Variants in WDR35 observed in about 807,000 individuals in gnomAD.
WDR35 encodes WD repeat-containing protein 35.
In WDR35, 118 loss-of-function variants were observed where a neutral mutation model predicts 158.3. That is an observed-to-expected ratio of 0.75 (90% CI 0.64 to 0.87). The LOEUF (loss-of-function observed/expected upper bound fraction) is 0.87, where lower values mean the gene tolerates loss of function less well. WDR35 is among the 40% of genes least tolerant of loss of function. WDR35 has a pLI of 0.00. For missense variants in WDR35, 1,263 were observed against 1,405.8 expected (o/e 0.90, Z 1.62); for synonymous variants, 448 against 476.1 (o/e 0.94, Z 0.77).
chr2:19,947,704 A>C (rs1252020605), intron 14 of WDR35, among the ~76,000 whole-genome samples: 2 of 152,066 alleles, frequency 1.3e-5, no homozygotes, highest in African/African-American at 2.4e-5. Flanking sequence ...ACAAAGGAGG[A>C]AACTTTCTAA....
At chr2:19,928,387 C>T (rs1034766635) in intron 25 of WDR35, among the ~76,000 whole-genome samples, 1 of 152,180 alleles carries the variant, frequency 6.6e-6, no homozygotes, top group Non-Finnish European at 1.5e-5. Flanking sequence ...CTGTTCGGGG[C>T]TCTCAGCTCT....
At position 19,923,466 on chromosome 2, in the gene WDR35, T is replaced by C. The variant is rs186284422; in HGVS notation, c.3121+6930A>G. On this transcript the variant is annotated intron_variant, in intron 25 of 26. Coordinates refer to ENST00000281405, the MANE Select transcript of WDR35 (RefSeq NM_020779.4). ...CCTTGGAACTTTTTCACACTGATGATGAGGAGGAAGGAGAGTATAACGAAG... is the reference window on the plus strand; with the variant it reads ...CCTTGGAACTTTTTCACACTGATGACGAGGAGGAAGGAGAGTATAACGAAG... Among the ~76,000 whole-genome samples the C allele has an allele frequency of 4.6e-5, 7 of 152,294 alleles. No homozygotes were observed. In the East Asian group the frequency reaches 1.4e-3, roughly 29 times the overall value.
At chr2:19,964,197 C>A (rs1671759602) in intron 10 of WDR35, among the ~76,000 whole-genome samples, 1 of 152,040 alleles carries the variant, frequency 6.6e-6, no homozygotes, top group Non-Finnish European at 1.5e-5. Flanking sequence ...GTTTTCTCCC[C>A]AATGTTCTGA....
chr2:19,963,780 T>G (rs13001254), intron 10 of WDR35, among the ~76,000 whole-genome samples: 38,673 of 151,978 alleles, frequency 0.25, 4,986 homozygotes, highest in African/African-American at 0.26. Context: ...AGTCTCACTC[T>G]GTCGCCCAGG....
chr2:19,956,587 G>C (rs975302817), intron 11 of WDR35, among the ~76,000 whole-genome samples: 4 of 151,212 alleles, frequency 2.6e-5, no homozygotes, highest in African/African-American at 7.3e-5. Flanking sequence ...GCATAGCACA[G>C]TGCCTGGCAT....
At position 19,946,004 on chromosome 2, in the gene WDR35, C is replaced by T. The variant is rs747030011; in HGVS notation, c.1635-8G>A. 1 of 1,613,200 alleles carries T rather than the reference C, an allele frequency of 6.2e-7. No individual in the cohort carries two copies. The highest frequency in any genetic ancestry group is 2.2e-5 in the East Asian group (1 of 44,858). ...TCTATGATAGCAAGACGGCTAAAAA[C>T]AATGCAATTAGAGAAAAGGAAAAAA... On this transcript the variant is annotated splice_region_variant and splice_polypyrimidine_tract_variant and intron_variant, in intron 15 of 26. Transcript: ENST00000281405.
At chr2:19,975,711 C>T in intron 5 of WDR35, 48 bp from the exon 6 acceptor site, 1 of 1,612,660 alleles carries the variant, frequency 6.2e-7, no homozygotes, top group Non-Finnish European at 8.5e-7. Flanking sequence ...GATCCTCCAA[C>T]AACGGCTTTC....
chr2:19,981,506 C>T (rs1672381059), intron 3 of WDR35, among the ~76,000 whole-genome samples: 1 of 151,964 alleles, frequency 6.6e-6, no homozygotes, highest in African/African-American at 2.4e-5. Context: ...AGTTGTTATA[C>T]ATCTTCAGTC....
At position 19,911,531 on chromosome 2, in the gene WDR35, T is replaced by G. The variant is rs1669833825; in HGVS notation, c.*2027A>C. 1 of 152,264 alleles carries G rather than the reference T, an allele frequency of 6.6e-6. No homozygotes were observed. Among genetic ancestry groups the G allele is most frequent in the South Asian group, 2.1e-4 (1 of 4,836 alleles). The allele number at this position is 152,264 out of a possible 1,614,324, so 9.4% of individuals were successfully genotyped here. On this transcript the variant is annotated 3_prime_UTR_variant, in exon 27 of 27. Transcript: ENST00000281405. ...GGAGATGTACTGTCTTAGACAGACTTCTTTGTTAGGATGTGATTTTCTGAT... is the reference window on the plus strand; with the variant it reads ...GGAGATGTACTGTCTTAGACAGACTGCTTTGTTAGGATGTGATTTTCTGAT...
rs543890711 is a variant in WDR35 at position 19,968,970 on chromosome 2, A to G, written c.1008+510T>C. Among the ~76,000 whole-genome samples the G allele has an allele frequency of 4.6e-5, 7 of 152,330 alleles. No homozygotes were observed. In the East Asian group the frequency reaches 7.7e-4, roughly 17 times the overall value. ...TGGCTCCCCTTTGGGTTTGGCCAAT[A>G]GAAAGCACCAGCAAGTGGAGAGGTG... On this transcript the variant is annotated intron_variant, in intron 9 of 26. Transcript: ENST00000281405.
rs371949680 is a variant in WDR35, at chr2:19,913,695, G to C, written c.3376C>G (p.Leu1126Val). The change falls in exon 27 of 27, where the codon CTG (leucine) becomes GTG (valine). Residue 1126 changes from leucine to valine, a missense_variant. Physicochemically the swap from Leu to Val is conservative, Grantham distance 32. Transcript: ENST00000281405. ...DSLMEGGEGK[L>V]PTCVATGSPI... ...CTTCCTGTGGCAACGCATGTTGGCA[G>C]TTTCCCTTCTCCACTGTAAAACGGG... is the stretch of plus-strand genomic sequence containing the variant. 15 of 1,613,832 alleles carry C rather than the reference G, an allele frequency of 9.3e-6. No homozygotes were observed. Among genetic ancestry groups the C allele is most frequent in the Non-Finnish European group, 1.3e-5 (15 of 1,179,960 alleles).
At chr2:19,933,555 A>C (rs1261605569) in intron 21 of WDR35, 44 bp from the exon 22 acceptor site, 1 of 1,519,004 alleles carries the variant, frequency 6.6e-7, no homozygotes, top group Admixed American at 1.7e-5. Context: ...AGACCAAGGA[A>C]ATTACTTATA....
rs542011874 is a variant in WDR35, at chr2:19,981,251, C to G, written c.215-468G>C. The stretch of plus-strand genomic sequence containing the variant: ...AAAACACTCTTGAGCATATCTTAAA[C>G]CTCTAGGGTACGTGAATAATTGATG... On this transcript the variant is annotated intron_variant, in intron 3 of 26. Transcript: ENST00000281405. Among the ~76,000 whole-genome samples, 3 of 152,308 alleles carry G rather than the reference C, an allele frequency of 2.0e-5. No individual in the cohort carries two copies. The South Asian group carries it at 6.2e-4, about 32-fold the overall frequency.
intron 25 of WDR35, among the ~76,000 whole-genome samples, chr2:19,927,453 C>G (rs1044580278): frequency 2.6e-5 from 4 of 152,172 alleles, no homozygotes; most frequent in Non-Finnish European, 5.9e-5. Context: ...ACTTCTCAGT[C>G]TGTGTGCCAT....
At chr2:19,914,000 A>G (rs1558317974) in intron 26 of WDR35, 37 bp downstream of exon 26, 1 of 1,612,294 alleles carries the variant, frequency 6.2e-7, no homozygotes, top group Non-Finnish European at 8.5e-7. Flanking sequence ...AGCTTCTAAT[A>G]AGATAGAATG....
rs761978476 is a variant in WDR35 at position 19,945,778 on chromosome 2, G to A, written c.1845+8C>T. 3 of 1,613,478 alleles carry A rather than the reference G, an allele frequency of 1.9e-6. No homozygotes were observed. The East Asian group carries it at 6.7e-5, about 36-fold the overall frequency. On this transcript the variant is annotated splice_region_variant and intron_variant, in intron 16 of 26. Transcript: ENST00000281405. ...TATAGACTGTTAACACTCATTTCTT[G>A]TTTTTACCTCAGGATCCAAGTTTCT...
At chr2:19,930,249 G>A (rs1421231589) in intron 25 of WDR35, 147 bp downstream of exon 25, 2 of 1,156,226 alleles carry the variant, frequency 1.7e-6, no homozygotes, top group South Asian at 1.4e-5. Context: ...CTTCAAAAAT[G>A]GGAATGCATA....
rs181263000 is a variant in WDR35 at position 19,990,024 on chromosome 2, C to T, written c.-9G>A. 2.3e-5 allele frequency: 37 copies of T among 1,613,876 alleles called. No individual in the cohort carries two copies. The highest frequency in any genetic ancestry group is 5.0e-5 in the Admixed American group (3 of 59,976). ...CTCAGGTAGAAGAACATCGTGGGAT[C>T]CCCGAGAGGGTCACGGCGGCCGCTA... On this transcript the variant is annotated 5_prime_UTR_variant, in exon 1 of 27. Coordinates refer to ENST00000281405, the MANE Select transcript of WDR35 (RefSeq NM_020779.4).
At chr2:19,918,791 A>C (rs368282969) in intron 25 of WDR35, among the ~76,000 whole-genome samples, 2 of 152,178 alleles carry the variant, frequency 1.3e-5, no homozygotes, top group East Asian at 3.9e-4. Flanking sequence ...CCCACACAAT[A>C]ATAGTGGGAG....
Sources: allele counts gnomAD v4.1 joint callset (sites outside exome capture counted in the v4.1 genomes callset), GRCh38; gene constraint gnomAD v4.1.1; transcripts MANE v1.5; gene names NCBI Gene and HGNC (gene_info 2026-07-23, HGNC 2026-07-21).